The following GSE1 variants were observed in gnomAD, a reference collection of about 807,000 sequenced individuals.
The protein encoded by GSE1 is genetic suppressor element 1.
In GSE1, 32 loss-of-function variants were observed where a neutral mutation model predicts 112.6. The observed-to-expected ratio is 0.28, with a 90% CI of 0.21 to 0.38. GSE1 has a LOEUF of 0.38. Among genes scored for constraint, GSE1 ranks in the 10% least tolerant of loss-of-function variants. The pLI, the probability that GSE1 is intolerant of heterozygous loss-of-function variation, is 1.00. For missense variants in GSE1, 2,348 were observed against 1,699.2 expected (o/e 1.38, Z -6.71); for synonymous variants, 1,115 against 735.6 (o/e 1.52, Z -8.35).
chr16:85,597,236 C>T (rs1318258674), intron 1 of GSE1, among the ~76,000 whole-genome samples: 1 of 151,810 alleles, frequency 6.6e-6, no homozygotes, highest in Non-Finnish European at 1.5e-5. Context: ...GCCTTGGCCT[C>T]CCAAAGTGCT....
At position 85,656,531 on chromosome 16, in the gene GSE1, C is replaced by T. The variant is rs1414564670; in HGVS notation, c.1178C>T (p.Ala393Val). Residue 393 changes from alanine (A) to valine (V), a missense_variant, in exon 7 of 16, where the codon GCC (alanine) becomes GTC (valine). Ala to Val is a moderately conservative substitution (Grantham distance 64). Coordinates refer to ENST00000253458, the MANE Select transcript of GSE1 (RefSeq NM_014615.5). ...RELERQREQRAREKELLAAKA... is the reference protein window; with the variant it reads ...RELERQREQRVREKELLAAKA... The stretch of plus-strand genomic sequence containing the variant: ...CTGGAGCGCCAGCGGGAGCAGCGGG[C>T]CCGGGAGAAGGAGCTGCTGGCCGCC... The T allele has an allele frequency of 1.3e-6, 2 of 1,549,052 alleles. No homozygotes were observed. Among genetic ancestry groups the T allele is most frequent in the Non-Finnish European group, 8.7e-7 (1 of 1,146,468 alleles).
chr16:85,308,412 C>T (rs1487036635), intron 1 of GSE1, among the ~76,000 whole-genome samples: 1 of 152,126 alleles, frequency 6.6e-6, no homozygotes, highest in Admixed American at 6.5e-5. Flanking sequence ...TGTTTTGGAG[C>T]CTGGCAATCC....
intron 1 of GSE1, among the ~76,000 whole-genome samples, chr16:85,206,927 G>A (rs1025335752): frequency 6.6e-5 from 10 of 151,494 alleles, no homozygotes; most frequent in Non-Finnish European, 1.2e-4. Context: ...GTGGGCCAGC[G>A]CCGGTGGCCA....
At chr16:85,617,243 G>T (rs2048427226) in intron 1 of GSE1, among the ~76,000 whole-genome samples, 1 of 152,236 alleles carries the variant, frequency 6.6e-6, no homozygotes, top group African/African-American at 2.4e-5. Flanking sequence ...CAGAGGGGAA[G>T]TGAGAGCTGC....
At position 85,170,652 on chromosome 16, in the gene GSE1, G is replaced by T. The variant is rs531453377; in HGVS notation, c.1128G>T (p.Leu376=). ...GCTGCTACATCTGCGGGGCCCCGCT[G>T]TCCCCGGCCTCGCACCACCAGGTCC... Residue 376 remains leucine (L), a synonymous_variant, in exon 1 of 3, where the codon CTG becomes CTT. Transcript: ENST00000637419. 9.1e-6 allele frequency: 9 copies of T among 985,582 alleles called. No homozygotes were observed. In the African/African-American group the frequency reaches 1.4e-4, roughly 15 times the overall value. 61.1% of individuals were successfully genotyped at this position (985,582 alleles called of 1,614,324 possible). A position where few individuals can be genotyped will look rare whatever the true frequency, so the allele number is the denominator to read the frequency against.
chr16:85,403,523 C>T (rs1597616705), intron 2 of GSE1, among the ~76,000 whole-genome samples: 1 of 152,272 alleles, frequency 6.6e-6, no homozygotes, highest in Non-Finnish European at 1.5e-5. Flanking sequence ...GGCACAGTGG[C>T]TCACACCTGA....
intron 1 of GSE1, among the ~76,000 whole-genome samples, chr16:85,243,436 CTG>C (rs1905320383): frequency 2.0e-5 from 3 of 152,262 alleles, no homozygotes; most frequent in Admixed American, 6.5e-5. Flanking sequence ...GCTGCTGAAA[CTG>C]TGTCCCTGGC....
chr16:85,510,570 T>C lies in GSE1; in HGVS notation c.2465-123344T>C, dbSNP rs532078899. Among the ~76,000 whole-genome samples, 214 of 152,350 alleles carry C rather than the reference T, an allele frequency of 1.4e-3. 2 individuals carry two copies. Among genetic ancestry groups the C allele is most frequent in the African/African-American group, 4.5e-3 (186 of 41,590 alleles). The stretch of plus-strand genomic sequence containing the variant: ...GTACCTCAGCAGGGGCCGGGGCTGT[T>C]TCTGAGGCTCTCTGCTGGAAAACAC... On this transcript the variant is annotated intron_variant, in intron 2 of 2. Coordinates refer to the GSE1 transcript ENST00000637419.
chr16:85,615,561 G>GC (rs1005261451), intron 1 of GSE1, among the ~76,000 whole-genome samples: 1 of 152,156 alleles, frequency 6.6e-6, no homozygotes, highest in Non-Finnish European at 1.5e-5. Context: ...GCTGGTGAGA[G>GC]CCCGCCAGGA....
At chr16:85,557,473 G>T (rs1053214061) in intron 1 of GSE1, among the ~76,000 whole-genome samples, 12 of 152,144 alleles carry the variant, frequency 7.9e-5, no homozygotes, top group Non-Finnish European at 1.5e-4. Context: ...CCATGTTGAG[G>T]CTTTTATAAA....
intron 2 of GSE1, among the ~76,000 whole-genome samples, chr16:85,415,117 T>A (rs1261048004): frequency 6.6e-6 from 1 of 152,138 alleles, no homozygotes; most frequent in African/African-American, 2.4e-5. Context: ...TTTTTGTATT[T>A]TCTGTAGAGA....
intron 1 of GSE1, among the ~76,000 whole-genome samples, chr16:85,616,858 C>G (rs1374744710): frequency 6.6e-6 from 1 of 152,180 alleles, no homozygotes; most frequent in South Asian, 2.1e-4. Context: ...TTGAGCTCCT[C>G]CTCTGAATCC....
chr16:85,424,980 A>G (rs1438118246), intron 2 of GSE1, among the ~76,000 whole-genome samples: 1 of 152,258 alleles, frequency 6.6e-6, no homozygotes. Flanking sequence ...CTCCCATGCC[A>G]GGCAGCTGGA....
chr16:85,655,952 C>A (rs374046113), intron 6 of GSE1, 35 bp downstream of exon 6: 1 of 1,530,730 alleles, frequency 6.5e-7, no homozygotes, highest in Non-Finnish European at 8.9e-7. Context: ...CCCCTCTGCC[C>A]TCCCTGTCCC....
At chr16:85,588,872 C>T (rs1012236624) in intron 1 of GSE1, among the ~76,000 whole-genome samples, 2 of 152,156 alleles carry the variant, frequency 1.3e-5, no homozygotes, top group Non-Finnish European at 2.9e-5. Flanking sequence ...GTACCTACTG[C>T]CCTGGGGGGC....
intron 1 of GSE1, among the ~76,000 whole-genome samples, chr16:85,318,832 C>T (rs2046039062): frequency 6.6e-6 from 1 of 152,200 alleles, no homozygotes; most frequent in Non-Finnish European, 1.5e-5. Context: ...GGGAGACCTC[C>T]CGGACTGTCA....
chr16:85,259,137 C>T (rs1374791099), intron 1 of GSE1, among the ~76,000 whole-genome samples: 3 of 152,146 alleles, frequency 2.0e-5, no homozygotes, highest in Admixed American at 6.5e-5. Context: ...CAGGGGCCAC[C>T]GCGTCTGTGG....
At chr16:85,446,556 A>G (rs2049518154) in intron 2 of GSE1, among the ~76,000 whole-genome samples, 1 of 152,100 alleles carries the variant, frequency 6.6e-6, no homozygotes, top group South Asian at 2.1e-4. Flanking sequence ...GACCGGGCTC[A>G]TGTGGAAGGA....
chr16:85,639,326 G>A (rs1489897840), intron 2 of GSE1, among the ~76,000 whole-genome samples: 1 of 152,170 alleles, frequency 6.6e-6, no homozygotes, highest in African/African-American at 2.4e-5. Context: ...CCTGGCCACC[G>A]CCTCCCTCCC....
Sources: gnomAD v4.1 joint callset for allele counts (sites outside exome capture counted in the v4.1 genomes callset) on GRCh38, gnomAD v4.1.1 for gene constraint, MANE v1.5 for transcripts, NCBI Gene and HGNC (gene_info 2026-07-23, HGNC 2026-07-21) for gene names.